The following CEP85L variants were observed in gnomAD, a reference collection of about 807,000 sequenced individuals.
The protein encoded by CEP85L is centrosomal protein of 85 kDa-like.
A neutral mutation model predicts 100.3 loss-of-function variants in CEP85L; 60 were observed. The ratio of observed to expected loss-of-function variants is 0.60; its 90% CI spans 0.49 to 0.74. The LOEUF (loss-of-function observed/expected upper bound fraction) is 0.74, where lower values mean the gene tolerates loss of function less well. Ranked by LOEUF, CEP85L falls within the 30% of genes least tolerant of loss-of-function variation. The pLI is 0.00. For missense variants in CEP85L, 973 were observed against 936.2 expected, an observed-to-expected ratio of 1.04 and a Z score of -0.51; for synonymous variants, 319 against 322.7, an observed-to-expected ratio of 0.99 and a Z score of 0.12.
intron 1 of CEP85L, among the ~76,000 whole-genome samples, chr6:118,678,160 G>C (rs575849229): frequency 6.6e-6 from 1 of 152,206 alleles, no homozygotes; most frequent in Non-Finnish European, 1.5e-5. Flanking sequence ...GAAGGAAACA[G>C]AATTAGGTAA....
At chr6:118,472,641 A>C (rs1773052536) in intron 10 of CEP85L, among the ~76,000 whole-genome samples, 1 of 152,178 alleles carries the variant, frequency 6.6e-6, no homozygotes, top group African/African-American at 2.4e-5. Flanking sequence ...TAAGCTCTTA[A>C]AATATACTTG....
At chr6:118,538,511 T>C (rs1777728815) in intron 3 of CEP85L, among the ~76,000 whole-genome samples, 1 of 152,078 alleles carries the variant, frequency 6.6e-6, no homozygotes, top group East Asian at 1.9e-4. Flanking sequence ...TTATCTCTTT[T>C]CTTTTGGAGG....
chr6:118,506,740 A>G (rs951890404), intron 5 of CEP85L, among the ~76,000 whole-genome samples: 1 of 152,202 alleles, frequency 6.6e-6, no homozygotes, highest in African/African-American at 2.4e-5. Context: ...TTGAAACTCT[A>G]TGTGAACTTA....
At chr6:118,581,051 T>C (rs954429073) in intron 2 of CEP85L, among the ~76,000 whole-genome samples, 5 of 152,156 alleles carry the variant, frequency 3.3e-5, no homozygotes, top group Non-Finnish European at 5.9e-5. Context: ...TGAGGCACTT[T>C]TTTTAATGCT....
At chr6:118,520,788 T>C (rs912482925) in intron 4 of CEP85L, among the ~76,000 whole-genome samples, 1 of 152,194 alleles carries the variant, frequency 6.6e-6, no homozygotes. Context: ...GTGAGACTCC[T>C]TCACCCAGTC....
chr6:118,531,843 AAG>A (rs1369127229), intron 3 of CEP85L, among the ~76,000 whole-genome samples: 2 of 152,194 alleles, frequency 1.3e-5, no homozygotes, highest in Non-Finnish European at 2.9e-5. Context: ...TATTACTAAA[AAG>A]AAAAAAAAAT....
intron 2 of CEP85L, among the ~76,000 whole-genome samples, chr6:118,602,049 T>C (rs537732647): frequency 6.6e-6 from 1 of 152,088 alleles, no homozygotes; most frequent in East Asian, 1.9e-4. Context: ...CTCTAACATT[T>C]CCCCCCTCCC....
chr6:118,651,242 C>G lies in CEP85L; in HGVS notation c.28G>C (p.Ala10Pro), dbSNP rs1392751549. Reference protein sequence around the residue: MWGRFLAPEASGRDSPGGAR... With the variant: MWGRFLAPEPSGRDSPGGAR... ...CCGCCGGGGCTATCCCGGCCGCTGG[C>G]CTCCGGAGCCAGGAAGCGCCCCCAC... The change falls in exon 1 of 13, where the codon GCC (alanine) becomes CCC (proline). Residue 10 changes from alanine to proline, a missense_variant. By Grantham distance (27) the Ala-to-Pro change is conservative. Transcript: ENST00000368491. 1 of 1,494,316 alleles carries G rather than the reference C, an allele frequency of 6.7e-7. No homozygotes were observed. The highest frequency in any genetic ancestry group is 1.5e-5 in the African/African-American group (1 of 68,952). The allele number at this position is 1,494,316 out of a possible 1,614,324, so 92.6% of individuals were successfully genotyped here.
intron 1 of CEP85L, among the ~76,000 whole-genome samples, chr6:118,676,908 T>C (rs1028815288): frequency 3.3e-5 from 5 of 152,204 alleles, no homozygotes; most frequent in Admixed American, 6.5e-5. Context: ...CGATATCTCA[T>C]TGTGTTTTGA....
At chr6:118,589,629 T>A (rs1013275127) in intron 2 of CEP85L, 37 of 276,914 alleles carry the variant, frequency 1.3e-4, no homozygotes, top group African/African-American at 8.2e-4. Context: ...CTGAGGAAGA[T>A]GACAAATAAC....
chr6:118,473,110 TCACAGGGA>T (rs1773089161), intron 10 of CEP85L, among the ~76,000 whole-genome samples: 1 of 152,178 alleles, frequency 6.6e-6, no homozygotes, highest in Non-Finnish European at 1.5e-5. Flanking sequence ...TATAAGAAAT[TCACAGGGA>T]CATTCCTTCA....
intron 3 of CEP85L, 116 bp from the exon 4 acceptor site, chr6:118,524,036 T>G (rs1205134294): frequency 2.2e-6 from 1 of 452,146 alleles, no homozygotes; most frequent in East Asian, 4.2e-5. Context: ...CTTTGATTTT[T>G]TAATACTTTC....
At chr6:118,526,075 C>G (rs970029320) in intron 3 of CEP85L, among the ~76,000 whole-genome samples, 10 of 152,166 alleles carry the variant, frequency 6.6e-5, no homozygotes, top group Non-Finnish European at 8.8e-5. Context: ...AAAGAAGGCA[C>G]ATACTTTTGT....
At chr6:118,539,386 T>A (rs561838724) in intron 3 of CEP85L, among the ~76,000 whole-genome samples, 2 of 152,130 alleles carry the variant, frequency 1.3e-5, no homozygotes, top group Non-Finnish European at 2.9e-5. Context: ...AGCCTAGGCG[T>A]GTAGTTGTTA....
intron 6 of CEP85L, among the ~76,000 whole-genome samples, chr6:118,484,204 T>A (rs1320752184): frequency 1.3e-5 from 2 of 152,218 alleles, no homozygotes; most frequent in African/African-American, 4.8e-5. Flanking sequence ...TAGTCCCAGC[T>A]ACTTGAAAGG....
At chr6:118,650,900 C>A in intron 1 of CEP85L, among the ~76,000 whole-genome samples, 1 of 152,228 alleles carries the variant, frequency 6.6e-6, no homozygotes, top group East Asian at 1.9e-4. Context: ...AAAAACCGGG[C>A]AGACAATAAA....
chr6:118,526,312 A>G (rs186961937), intron 3 of CEP85L, among the ~76,000 whole-genome samples: 12 of 152,294 alleles, frequency 7.9e-5, no homozygotes, highest in Non-Finnish European at 1.6e-4. Flanking sequence ...TTCACTGTCC[A>G]GGCCACTCTC....
At chr6:118,481,138 A>G (rs1047524726) in intron 8 of CEP85L, among the ~76,000 whole-genome samples, 6 of 152,094 alleles carry the variant, frequency 3.9e-5, no homozygotes, top group African/African-American at 9.7e-5. Flanking sequence ...TACTTGCAGT[A>G]AAGTTAGAAA....
At chr6:118,467,251 A>G (rs1772596620) in intron 12 of CEP85L, among the ~76,000 whole-genome samples, 1 of 152,150 alleles carries the variant, frequency 6.6e-6, no homozygotes, top group Admixed American at 6.6e-5. Context: ...CAGTAACAGA[A>G]AAAACAGGAG....
Sources: allele counts gnomAD v4.1 joint callset (sites outside exome capture counted in the v4.1 genomes callset), GRCh38; gene constraint gnomAD v4.1.1; transcripts MANE v1.5; gene names NCBI Gene and HGNC (gene_info 2026-07-23, HGNC 2026-07-21).